The following STK24 variants were observed in gnomAD, a reference collection of about 807,000 sequenced individuals.
The protein encoded by STK24 is serine/threonine kinase 24.
In STK24, 21 loss-of-function variants were observed where a neutral mutation model predicts 55.6. The observed-to-expected ratio is 0.38, with a 90% confidence interval of 0.27 to 0.54. The LOEUF (loss-of-function observed/expected upper bound fraction) is 0.54, where lower values mean the gene tolerates loss of function less well. STK24 is among the 20% of genes least tolerant of loss of function. The pLI, the probability that STK24 is intolerant of heterozygous loss-of-function variation, is 0.79. For missense variants in STK24, 383 were observed against 538.4 expected, an observed-to-expected ratio of 0.71 and a Z score of 2.86; for synonymous variants, 200 against 215.2, an observed-to-expected ratio of 0.93 and a Z score of 0.62.
chr13:98,528,077 T>TGG (rs1187543255), intron 1 of STK24, among the ~76,000 whole-genome samples: 2 of 151,988 alleles, frequency 1.3e-5, no homozygotes, highest in African/African-American at 4.8e-5. Flanking sequence ...GGCTGACCCC[T>TGG]GGGTTCCCAC....
At chr13:98,542,885 A>G (rs1388500086) in intron 1 of STK24, 1 of 985,284 alleles carries the variant, frequency 1.0e-6, no homozygotes, top group Non-Finnish European at 1.2e-6. Context: ...AGACCCCCTC[A>G]TTTCCAAACA....
At chr13:98,563,269 T>C (rs1191191336) in intron 1 of STK24, among the ~76,000 whole-genome samples, 1 of 152,210 alleles carries the variant, frequency 6.6e-6, no homozygotes, top group Non-Finnish European at 1.5e-5. Flanking sequence ...TGCTATTAGA[T>C]GGCACACTTC....
At chr13:98,480,413 G>T (rs1419764249) in intron 3 of STK24, among the ~76,000 whole-genome samples, 4 of 152,106 alleles carry the variant, frequency 2.6e-5, no homozygotes, top group Non-Finnish European at 1.5e-5. Context: ...CATAAAATGA[G>T]GTAATTTTCT....
chr13:98,558,752 C>T (rs1408222168), intron 1 of STK24, among the ~76,000 whole-genome samples: 2 of 152,104 alleles, frequency 1.3e-5, no homozygotes, highest in East Asian at 1.9e-4. Context: ...CAAGTGAAAT[C>T]GGGAATGTAT....
At chr13:98,522,217 C>T (rs1262987255) in intron 1 of STK24, 5 of 463,368 alleles carry the variant, frequency 1.1e-5, no homozygotes, top group South Asian at 1.8e-4. Context: ...CTTCCAGTCC[C>T]TCTAGTTCCA....
intron 5 of STK24, 112 bp from the exon 6 acceptor site, chr13:98,466,673 T>G (rs1404432793): frequency 1.7e-6 from 2 of 1,174,214 alleles, no homozygotes; most frequent in Non-Finnish European, 2.3e-6. Flanking sequence ...TTGAAAAAGG[T>G]ATTTTTAACT....
In STK24 at chr13:98,548,861, C is replaced by CAAAAA. The variant is rs55793722; in HGVS notation, c.42+27879_42+27883dup. Among the ~76,000 whole-genome samples, 28 of 37,782 alleles carry CAAAAA rather than the reference C, an allele frequency of 7.4e-4. 1 individual carries two copies. Among genetic ancestry groups the CAAAAA allele is most frequent in the East Asian group, 7.0e-3 (8 of 1,146 alleles). 24.8% of individuals were successfully genotyped at this position (37,782 alleles called of 152,430 possible). ...CAGGCGACAGAGTGAGACTCTGTCT[C>CAAAAA]AAAAAAAAAAAAAAAAAAAAAAAAA... On this transcript the variant is annotated intron_variant, in intron 1 of 10. Transcript: ENST00000539966.
rs71292876 is a variant in STK24, at chr13:98,461,054, AAGAGAG to A, written c.1054-620_1054-615del. The stretch of plus-strand genomic sequence containing the variant: ...CAGAGACCCCGTCTCAAAAAAAAAA[AAGAGAG>A]AGAGAGAGAGAGAGAGAAAAGTACT... On this transcript the variant is annotated intron_variant, in intron 8 of 10. Coordinates refer to ENST00000539966, the MANE Select transcript of STK24 (RefSeq NM_001032296.4). 7.8e-3 allele frequency among the ~76,000 whole-genome samples: 1,120 copies of A among 143,738 alleles called. 12 individuals are homozygous for A. The highest frequency in any genetic ancestry group is 0.026 in the African/African-American group (1,024 of 38,740). 94.3% of individuals were successfully genotyped at this position (143,738 alleles called of 152,430 possible).
At chr13:98,567,925 A>G (rs1897628118) in intron 1 of STK24, among the ~76,000 whole-genome samples, 1 of 121,424 alleles carries the variant, frequency 8.2e-6, no homozygotes, top group Non-Finnish European at 1.7e-5. Flanking sequence ...GAAAGTAGGT[A>G]GTGGTTTAAA....
In STK24 at chr13:98,448,273, T is replaced by TCG. The variant is rs1159332887; in HGVS notation, c.*4898_*4899dup. 20 of 1,614,158 alleles carry TCG rather than the reference T, an allele frequency of 1.2e-5. No homozygotes were observed. Among genetic ancestry groups the TCG allele is most frequent in the Non-Finnish European group, 1.7e-5 (20 of 1,179,974 alleles). The stretch of plus-strand genomic sequence containing the variant: ...GATCCGCAGTGCCACCAGCTCTGCC[T>TCG]CGCGACCCCACGTGTTGAGTCACAA... On this transcript the variant is annotated 3_prime_UTR_variant, in exon 11 of 11. Coordinates refer to ENST00000539966, the MANE Select transcript of STK24 (RefSeq NM_001032296.4).
chr13:98,563,814 C>T (rs182789202), intron 1 of STK24, among the ~76,000 whole-genome samples: 117 of 151,352 alleles, frequency 7.7e-4, no homozygotes, highest in Non-Finnish European at 1.4e-3. Context: ...GAGCTGAGAT[C>T]GCGCCACTGC....
intron 1 of STK24, among the ~76,000 whole-genome samples, chr13:98,547,173 A>C (rs1228223165): frequency 6.6e-6 from 1 of 152,104 alleles, no homozygotes; most frequent in Non-Finnish European, 1.5e-5. Flanking sequence ...CGGCCTCCCA[A>C]AGTGCTGGGA....
At chr13:98,574,841 C>A (rs1424230471) in intron 1 of STK24, among the ~76,000 whole-genome samples, 1 of 145,224 alleles carries the variant, frequency 6.9e-6, no homozygotes, top group Non-Finnish European at 1.5e-5. Context: ...AGAATTCTGA[C>A]CCACTCAAAA....
chr13:98,485,833 C>T (rs1383391256), intron 2 of STK24, among the ~76,000 whole-genome samples: 3 of 152,332 alleles, frequency 2.0e-5, no homozygotes, highest in South Asian at 4.1e-4. Context: ...GGATGGAGCC[C>T]GCTAGACACA....
intron 2 of STK24, among the ~76,000 whole-genome samples, chr13:98,502,497 C>A (rs1895512204): frequency 6.6e-6 from 1 of 152,166 alleles, no homozygotes; most frequent in South Asian, 2.1e-4. Flanking sequence ...ATCTCCAATG[C>A]CACAGGGTTA....
chr13:98,448,636 G>A lies in STK24; in HGVS notation c.*4537C>T, dbSNP rs543106438. On this transcript the variant is annotated 3_prime_UTR_variant, in exon 11 of 11. Coordinates refer to ENST00000539966, the MANE Select transcript of STK24 (RefSeq NM_001032296.4). ...CCTGAAAAACAGTACACACACATCC[G>A]TTCAACACAAGACAGGGCAAGTGTT... The A allele has an allele frequency of 3.4e-4, 98 of 284,800 alleles. No homozygotes were observed. Among genetic ancestry groups the A allele is most frequent in the African/African-American group, 1.7e-3 (78 of 45,374 alleles). The allele number at this position is 284,800 out of a possible 1,614,324, so 17.6% of individuals were successfully genotyped here. A position where few individuals can be genotyped will look rare whatever the true frequency, so the allele number is the denominator to read the frequency against.
At chr13:98,526,179 TTC>T (rs1178779951) in intron 1 of STK24, among the ~76,000 whole-genome samples, 2 of 152,238 alleles carry the variant, frequency 1.3e-5, no homozygotes, top group East Asian at 1.9e-4. Context: ...TTGTCCTGTT[TTC>T]TCTCAGTCTT....
At chr13:98,524,302 G>C (rs1287726318) in intron 1 of STK24, among the ~76,000 whole-genome samples, 2 of 151,834 alleles carry the variant, frequency 1.3e-5, no homozygotes, top group Non-Finnish European at 2.9e-5. Context: ...CTGGCCTGTG[G>C]TTCCTGTGCT....
At chr13:98,504,204 C>CA (rs138590566) in intron 2 of STK24, among the ~76,000 whole-genome samples, 21,956 of 146,758 alleles carry the variant, frequency 0.15, 1,999 homozygotes, top group Non-Finnish European at 0.21. Flanking sequence ...TAACTGAAGA[C>CA]AAAAAAAAAA....
Sources: gnomAD v4.1 joint callset for allele counts (sites outside exome capture counted in the v4.1 genomes callset) on GRCh38, gnomAD v4.1.1 for gene constraint, MANE v1.5 for transcripts, NCBI Gene and HGNC (gene_info 2026-07-23, HGNC 2026-07-21) for gene names.